The following KCNQ5 variants were observed in gnomAD, a reference collection of about 807,000 sequenced individuals.
KCNQ5 encodes the protein potassium voltage-gated channel subfamily KQT member 5.
KCNQ5 carries 30 observed loss-of-function variants against 98.2 expected under a neutral mutation model. The ratio of observed to expected loss-of-function variants is 0.31; its 90% CI spans 0.23 to 0.41. The LOEUF (loss-of-function observed/expected upper bound fraction) is 0.41, where lower values mean the gene tolerates loss of function less well. Ranked by LOEUF, KCNQ5 falls within the 10% of genes least tolerant of loss-of-function variation. KCNQ5 has a pLI of 1.00. For synonymous variants in KCNQ5, 458 were observed against 449.4 expected (o/e 1.02, Z -0.24); for missense variants, 835 against 1,182.5 (o/e 0.71, Z 4.31).
At chr6:72,645,077 CT>C (rs1312614026) in intron 1 of KCNQ5, among the ~76,000 whole-genome samples, 2 of 151,898 alleles carry the variant, frequency 1.3e-5, no homozygotes, top group African/African-American at 4.8e-5. Flanking sequence ...GTCAAATACT[CT>C]TACTTAGGGG....
intron 5 of KCNQ5, among the ~76,000 whole-genome samples, chr6:73,082,478 G>T (rs1773818251): frequency 6.6e-6 from 1 of 152,098 alleles, no homozygotes; most frequent in African/African-American, 2.4e-5. Flanking sequence ...TCTATCCAGT[G>T]CATGTTCACC....
chr6:73,194,803 A>G lies in KCNQ5; in HGVS notation c.2188A>G (p.Asn730Asp), dbSNP rs1259871589. The change falls in exon 14 of 14, where the codon AAC becomes GAC. Residue 730 changes from asparagine to aspartate, a missense_variant. Asn to Asp is a conservative substitution (Grantham distance 23). Transcript: ENST00000370398. Reference sequence around the variant, plus strand: ...CGATGGCTCAGCAGTGGCAGCCACCAACACCATTGCAAACCAAATAAATAC... The same window carrying G: ...CGATGGCTCAGCAGTGGCAGCCACCGACACCATTGCAAACCAAATAAATAC... ...QSDGSAVAAT[N>D]TIANQINTAP... 2 of 1,614,102 alleles carry G rather than the reference A, an allele frequency of 1.2e-6. No homozygotes were observed. The highest frequency in any genetic ancestry group is 1.7e-6 in the Non-Finnish European group (2 of 1,180,040).
intron 5 of KCNQ5, among the ~76,000 whole-genome samples, chr6:73,098,919 T>C (rs1166277821): frequency 1.3e-5 from 2 of 152,136 alleles, no homozygotes; most frequent in Non-Finnish European, 2.9e-5. Context: ...GATGAACTTA[T>C]CAAAAATAAC....
At chr6:73,051,705 CAAAAAAAAAAAA>C (rs201199934) in intron 3 of KCNQ5, among the ~76,000 whole-genome samples, 40 of 97,160 alleles carry the variant, frequency 4.1e-4, no homozygotes, top group African/African-American at 1.0e-3. Flanking sequence ...AAGATAGAGG[CAAAAAAAAAAAA>C]AAAAAAAAAA....
chr6:73,008,841 C>T (rs984206590), intron 2 of KCNQ5, among the ~76,000 whole-genome samples: 2 of 152,006 alleles, frequency 1.3e-5, no homozygotes, highest in African/African-American at 4.8e-5. Flanking sequence ...TATGTTAGCC[C>T]GCAAGTTAAG....
At chr6:73,068,121 C>T (rs1455209479) in intron 3 of KCNQ5, among the ~76,000 whole-genome samples, 1 of 152,024 alleles carries the variant, frequency 6.6e-6, no homozygotes, top group Non-Finnish European at 1.5e-5. Context: ...CATGGTGAAA[C>T]ATCGTCTCTA....
rs1562231987 is a variant in KCNQ5, at chr6:73,197,620, CACACACACACA to C, written c.*2207_*2217del. ...ACACACACACACACACACACACACA[CACACACACACA>C]CACACACACACCCCTCCACTGACCT... On this transcript the variant is annotated 3_prime_UTR_variant, in exon 14 of 14. Transcript: ENST00000370398. 3 of 146,582 alleles carry C rather than the reference CACACACACACA, an allele frequency of 2.0e-5. No homozygotes were observed. Among genetic ancestry groups the C allele is most frequent in the Non-Finnish European group, 4.6e-5 (3 of 65,568 alleles). 9.1% of individuals were successfully genotyped at this position (146,582 alleles called of 1,614,324 possible).
chr6:72,971,268 G>A (rs904875859), intron 1 of KCNQ5, among the ~76,000 whole-genome samples: 9 of 152,336 alleles, frequency 5.9e-5, no homozygotes, highest in Admixed American at 5.2e-4. Flanking sequence ...CTGGCCATCA[G>A]AGAAATGCAA....
chr6:72,668,345 G>C (rs1202538789), intron 1 of KCNQ5, among the ~76,000 whole-genome samples: 1 of 152,286 alleles, frequency 6.6e-6, no homozygotes, highest in South Asian at 2.1e-4. Context: ...ATACAATGAT[G>C]AGAAAACGGA....
rs59726566 is a variant in KCNQ5, at chr6:72,746,064, C to CAAAAAAAAAA, written c.398+123508_398+123517dup. 1.0e-4 allele frequency among the ~76,000 whole-genome samples: 8 copies of CAAAAAAAAAA among 80,212 alleles called. 1 individual carries two copies. The highest frequency in any genetic ancestry group is 2.8e-4 in the African/African-American group (8 of 28,688). 52.6% of individuals were successfully genotyped at this position (80,212 alleles called of 152,430 possible). A position where few individuals can be genotyped will look rare whatever the true frequency, so the allele number is the denominator to read the frequency against. On this transcript the variant is annotated intron_variant, in intron 1 of 13. Transcript: ENST00000370398. ...ATTATATCCGCAAAGACTCTATTTG[C>CAAAAAAAAAA]AAAAAAAAAAAAAAAAAAAAAAAAA...
At chr6:73,005,669 T>C (rs1392003357) in intron 2 of KCNQ5, among the ~76,000 whole-genome samples, 1 of 152,334 alleles carries the variant, frequency 6.6e-6, no homozygotes, top group Non-Finnish European at 1.5e-5. Flanking sequence ...GTTTAGTAAC[T>C]AGAGTGCATT....
intron 1 of KCNQ5, among the ~76,000 whole-genome samples, chr6:72,772,659 A>G (rs957830266): frequency 6.6e-6 from 1 of 152,184 alleles, no homozygotes; most frequent in Admixed American, 6.5e-5. Context: ...AAAATTCACT[A>G]AATCCCACAA....
chr6:72,728,744 G>GA (rs992327375), intron 1 of KCNQ5, among the ~76,000 whole-genome samples: 1 of 152,056 alleles, frequency 6.6e-6, no homozygotes, highest in African/African-American at 2.4e-5. Flanking sequence ...GACAAGCAAA[G>GA]AAAAAAATTT....
chr6:73,154,498 G>C (rs1777275624), intron 10 of KCNQ5, among the ~76,000 whole-genome samples: 1 of 152,148 alleles, frequency 6.6e-6, no homozygotes, highest in Non-Finnish European at 1.5e-5. Flanking sequence ...GAAAAACTAA[G>C]TCTGGATTGC....
intron 3 of KCNQ5, among the ~76,000 whole-genome samples, chr6:73,054,749 C>T (rs1021460268): frequency 6.6e-6 from 1 of 152,160 alleles, no homozygotes; most frequent in Non-Finnish European, 1.5e-5. Context: ...AGTGAATGAG[C>T]AAAAGCTGGA....
At chr6:73,018,168 G>A (rs1210100059) in intron 2 of KCNQ5, among the ~76,000 whole-genome samples, 1 of 152,106 alleles carries the variant, frequency 6.6e-6, no homozygotes, top group Non-Finnish European at 1.5e-5. Flanking sequence ...GAGAATTTGT[G>A]AGTTAATTAC....
intron 1 of KCNQ5, among the ~76,000 whole-genome samples, chr6:72,861,303 A>G (rs1372583868): frequency 1.7e-5 from 2 of 118,312 alleles, no homozygotes; most frequent in African/African-American, 3.3e-5. Context: ...AACCTCAGAG[A>G]TTCCTTTAAA....
chr6:73,055,553 C>A, intron 3 of KCNQ5: 1 of 1,438,772 alleles, frequency 7.0e-7, no homozygotes. Context: ...CTGTGAGAGT[C>A]TGAAGGACAC....
chr6:73,125,948 A>C (rs1775973900), intron 9 of KCNQ5, among the ~76,000 whole-genome samples: 1 of 152,190 alleles, frequency 6.6e-6, no homozygotes, highest in South Asian at 2.1e-4. Flanking sequence ...TAGTCATTAG[A>C]TTCGGAATAG....
Sources: allele counts gnomAD v4.1 joint callset (sites outside exome capture counted in the v4.1 genomes callset), GRCh38; gene constraint gnomAD v4.1.1; transcripts MANE v1.5; gene names NCBI Gene and HGNC (gene_info 2026-07-23, HGNC 2026-07-21).